Variants in PIEZO2 observed in about 807,000 individuals in gnomAD.
PIEZO2 encodes the protein piezo type mechanosensitive ion channel component 2, also known as piezo-type mechanosensitive ion channel component 2.
PIEZO2 carries 172 observed loss-of-function variants against 337.3 expected under a neutral mutation model. The observed-to-expected ratio is 0.51, with a 90% CI of 0.45 to 0.58. The LOEUF (loss-of-function observed/expected upper bound fraction) is 0.58. PIEZO2 is among the 20% of genes least tolerant of loss of function. The pLI, the probability that PIEZO2 is intolerant of heterozygous loss-of-function variation, is 0.00. For synonymous variants in PIEZO2, 1,251 were observed against 1,228.5 expected (o/e 1.02, Z -0.38); for missense variants, 3,028 against 3,391.3 (o/e 0.89, Z 2.66).
Position 10,979,129 on chromosome 18 carries a change from C to T in PIEZO2, c.286+406G>A, listed in dbSNP as rs188658227. ...TTGTTCTTTGTAATAGGATTAATGT[C>T]ATAGTCATGTAATTTCATATAATAT... On this transcript the variant is annotated intron_variant, in intron 3 of 55. Coordinates refer to ENST00000674853, the MANE Select transcript of PIEZO2 (RefSeq NM_001378183.1). This position sits in a 1 kb window ranked among gnomAD's most constrained non-coding sequence, Gnocchi z 4.0. Among the ~76,000 whole-genome samples, 100 of 151,728 alleles carry T rather than the reference C, an allele frequency of 6.6e-4. 1 individual carries two copies. The highest frequency in any genetic ancestry group is 2.0e-3 in the Admixed American group (30 of 15,230).
chr18:10,980,552 TA>T lies in PIEZO2; in HGVS notation c.161-893del, dbSNP rs1363847816. On this transcript the variant is annotated intron_variant, in intron 2 of 55. Coordinates refer to ENST00000674853, the MANE Select transcript of PIEZO2 (RefSeq NM_001378183.1). The surrounding 1 kb of genome is among the most constrained non-coding windows in gnomAD (Gnocchi z 4.8). ...AGATAAGAGATACAATGAAGATTGT[TA>T]ACTAGACTTATTTGCAGATAATATG... Among the ~76,000 whole-genome samples the T allele has an allele frequency of 6.6e-6, 1 of 152,184 alleles. No individual in the cohort carries two copies. The highest frequency in any genetic ancestry group is 1.5e-5 in the Non-Finnish European group (1 of 68,028).
At position 10,677,840 on chromosome 18, in the gene PIEZO2, G is replaced by A. The variant is rs188342968; in HGVS notation, c.7988C>T (p.Thr2663Ile). The A allele has an allele frequency of 1.9e-6, 3 of 1,602,440 alleles. No individual in the cohort carries two copies. Among genetic ancestry groups the A allele is most frequent in the Non-Finnish European group, 2.5e-6 (3 of 1,177,300 alleles). Residue 2663 changes from threonine (T) to isoleucine (I), a missense_variant, in exon 53 of 56, where the codon ACA becomes ATA. This residue lies in a region of PIEZO2 where 332 missense variants were observed against 363.8 expected (regional missense o/e 0.91). Coordinates refer to ENST00000674853, the MANE Select transcript of PIEZO2 (RefSeq NM_001378183.1). This position sits in a 1 kb window ranked among gnomAD's most constrained non-coding sequence, Gnocchi z 4.1. ...LSLGAKSEIATDKLSFPLKNI... is the reference protein window; with the variant it reads ...LSLGAKSEIAIDKLSFPLKNI... ...TTTAAGAGGAAAAGAAAGCTTATCTGTTGCTATTTCCGATTTTGCACCCAG... is the reference window on the plus strand; with the variant it reads ...TTTAAGAGGAAAAGAAAGCTTATCTATTGCTATTTCCGATTTTGCACCCAG...
intron 1 of PIEZO2, 143 bp from the exon 2 acceptor site, chr18:11,066,365 T>C: frequency 1.6e-6 from 1 of 611,714 alleles, no homozygotes; most frequent in Non-Finnish European, 2.9e-6. Context: ...AATTAAACAG[T>C]AATAAATTAG....
chr18:10,771,068 A>G (rs933090401), intron 20 of PIEZO2, among the ~76,000 whole-genome samples: 1 of 152,128 alleles, frequency 6.6e-6, no homozygotes, highest in African/African-American at 2.4e-5. Flanking sequence ...CCAAACTATA[A>G]TTTTCTAATA....
intron 36 of PIEZO2, among the ~76,000 whole-genome samples, chr18:10,728,708 C>T (rs899637505): frequency 2.6e-5 from 4 of 151,894 alleles, no homozygotes; most frequent in African/African-American, 9.7e-5. Flanking sequence ...GTAATCCCAG[C>T]ACTTTGGGAG....
At chr18:10,808,801 A>G (rs758759858) in intron 7 of PIEZO2, among the ~76,000 whole-genome samples, 1 of 152,216 alleles carries the variant, frequency 6.6e-6, no homozygotes, top group Non-Finnish European at 1.5e-5. Context: ...TGTATAAAGT[A>G]CACAGAACTG....
rs1250179461 is a variant in PIEZO2 at position 11,116,745 on chromosome 18, C to G, written c.64+31780G>C. ...AAACAAAGAAAAAAAAAAATCATTC[C>G]ATTTATCTACTGAATGTTACTCCAT... On this transcript the variant is annotated intron_variant, in intron 1 of 55. Transcript: ENST00000674853. This position sits in a 1 kb window ranked among gnomAD's most constrained non-coding sequence, Gnocchi z 5.0. Among the ~76,000 whole-genome samples the G allele has an allele frequency of 6.6e-6, 1 of 151,590 alleles. No homozygotes were observed. Among genetic ancestry groups the G allele is most frequent in the Non-Finnish European group, 1.5e-5 (1 of 67,908 alleles).
intron 2 of PIEZO2, among the ~76,000 whole-genome samples, chr18:11,006,244 T>C (rs1056920715): frequency 6.6e-6 from 1 of 152,256 alleles, no homozygotes; most frequent in Admixed American, 6.5e-5. Context: ...AATGTAAGTT[T>C]CACAGGTGCA....
At chr18:10,698,469 T>C (rs2035195147) in intron 44 of PIEZO2, among the ~76,000 whole-genome samples, 1 of 152,238 alleles carries the variant, frequency 6.6e-6, no homozygotes. Flanking sequence ...ATCTACTTTC[T>C]GATTGTACTC....
At chr18:10,710,379 C>G (rs984413551) in intron 39 of PIEZO2, among the ~76,000 whole-genome samples, 1 of 152,168 alleles carries the variant, frequency 6.6e-6, no homozygotes, top group Non-Finnish European at 1.5e-5. Context: ...ACCTGCCTGA[C>G]GGGCCCCCCC....
In PIEZO2 at chr18:10,773,816, C is replaced by A. The variant is rs1210457113; in HGVS notation, c.2568-187G>T. On this transcript the variant is annotated intron_variant, in intron 19 of 55. Coordinates refer to ENST00000674853, the MANE Select transcript of PIEZO2 (RefSeq NM_001378183.1). The surrounding 1 kb of genome is among the most constrained non-coding windows in gnomAD (Gnocchi z 5.3). ...GTTTGTTTTAAGTTCTTTCTAAAAA[C>A]AAACTGTAAACTTGGTTAGGTTTTG... 2.0e-5 allele frequency among the ~76,000 whole-genome samples: 3 copies of A among 152,214 alleles called. No individual in the cohort carries two copies. Among genetic ancestry groups the A allele is most frequent in the Non-Finnish European group, 4.4e-5 (3 of 68,034 alleles).
At chr18:10,723,775 CAGAT>C (rs1414529028) in intron 36 of PIEZO2, among the ~76,000 whole-genome samples, 1 of 152,142 alleles carries the variant, frequency 6.6e-6, no homozygotes, top group Admixed American at 6.5e-5. Context: ...AAAGATCCCT[CAGAT>C]AGGGGACAAG....
chr18:10,782,407 AAT>A (rs1380978654), intron 17 of PIEZO2, among the ~76,000 whole-genome samples: 1 of 60,760 alleles, frequency 1.6e-5, no homozygotes, highest in Non-Finnish European at 3.8e-5. Flanking sequence ...ATAATTATAT[AAT>A]ATATTATAAT....
intron 1 of PIEZO2, among the ~76,000 whole-genome samples, chr18:11,133,226 T>A (rs534402662): frequency 6.6e-6 from 1 of 152,342 alleles, no homozygotes; most frequent in South Asian, 2.1e-4. Context: ...ACTGACTTCA[T>A]ATCAGCATTT....
chr18:10,732,038 G>A (rs557822070), intron 35 of PIEZO2, among the ~76,000 whole-genome samples: 16 of 152,146 alleles, frequency 1.1e-4, no homozygotes, highest in African/African-American at 3.1e-4. Flanking sequence ...AGTACTTTGC[G>A]AGGAAAAAAA....
At chr18:10,780,491 C>A in intron 17 of PIEZO2, 125 bp from the exon 18 acceptor site, 1 of 647,374 alleles carries the variant, frequency 1.5e-6, no homozygotes. Context: ...CAAGTGTAGC[C>A]ACCCTCACAG....
At chr18:10,874,764 T>A (rs1480074473) in intron 4 of PIEZO2, among the ~76,000 whole-genome samples, 1 of 151,954 alleles carries the variant, frequency 6.6e-6, no homozygotes, top group East Asian at 1.9e-4. Flanking sequence ...AAAAAGTGGA[T>A]CTCATAGAGG....
At chr18:10,930,338 T>G (rs1050360900) in intron 3 of PIEZO2, among the ~76,000 whole-genome samples, 2 of 152,186 alleles carry the variant, frequency 1.3e-5, no homozygotes, top group African/African-American at 4.8e-5. Flanking sequence ...TCCCACCCTC[T>G]TACCTTAACT....
chr18:10,782,800 G>A (rs73384348), intron 17 of PIEZO2, among the ~76,000 whole-genome samples: 2,869 of 152,052 alleles, frequency 0.019, 90 homozygotes, highest in African/African-American at 0.065. Context: ...ACATCTTGAC[G>A]TGGGCTGCAG....
Sources: allele counts gnomAD v4.1 joint callset (sites outside exome capture counted in the v4.1 genomes callset), GRCh38; gene constraint gnomAD v4.1.1; regional missense constraint gnomAD v4.1.1; non-coding constraint Gnocchi (gnomAD v3.1); transcripts MANE v1.5; gene names NCBI Gene and HGNC (gene_info 2026-07-23, HGNC 2026-07-21).